RNF19A: variants seen among roughly 807,000 people sequenced by gnomAD.
RNF19A encodes the protein E3 ubiquitin-protein ligase RNF19A.
Under a neutral mutation model 75.7 loss-of-function variants are expected in RNF19A, and 32 were observed. The observed-to-expected ratio is 0.42, with a 90% confidence interval of 0.32 to 0.57. The LOEUF (loss-of-function observed/expected upper bound fraction) is 0.57. RNF19A is among the 20% of genes least tolerant of loss of function. The probability of loss-of-function intolerance (pLI) is 0.10; values close to 1 mark genes in which losing one functional copy is unlikely to be tolerated. For synonymous variants in RNF19A, 335 were observed against 345.2 expected (o/e 0.97, Z 0.33); for missense variants, 782 against 1,036.3 (o/e 0.75, Z 3.37).
chr8:100,301,499 C>T (rs1459247025), intron 1 of RNF19A, among the ~76,000 whole-genome samples: 1 of 152,120 alleles, frequency 6.6e-6, no homozygotes, highest in African/African-American at 2.4e-5. Context: ...CATAAAAACC[C>T]CACACTTTAG....
rs548728941 is a variant in RNF19A at position 100,287,886 on chromosome 8, T to C, written c.289A>G (p.Ile97Val). Reference protein sequence around the residue: ...GVDGIASIESIHSEMCTDKNS... With the variant: ...GVDGIASIESVHSEMCTDKNS... Reference sequence around the variant, plus strand: ...TTATCAGTACACATTTCAGAATGTATACTTTCAATACTTGCAATTCCATCC... The same window carrying C: ...TTATCAGTACACATTTCAGAATGTACACTTTCAATACTTGCAATTCCATCC... Residue 97 changes from isoleucine (I) to valine (V), a missense_variant, in exon 2 of 10, where the codon ATA (isoleucine) becomes GTA (valine). Ile to Val is a conservative substitution (Grantham distance 29). This residue lies in a region of RNF19A where 148 missense variants were observed against 147.9 expected (regional missense o/e 1.00). Transcript: ENST00000341084. This position sits in a 1 kb window ranked among gnomAD's most constrained non-coding sequence, Gnocchi z 4.1. The C allele has an allele frequency of 4.3e-6, 7 of 1,614,228 alleles. No individual in the cohort carries two copies. Among genetic ancestry groups the C allele is most frequent in the South Asian group, 2.2e-5 (2 of 91,082 alleles).
At chr8:100,311,786 G>A (rs1305780366), upstream of RNF19A, among the ~76,000 whole-genome samples, 1 of 151,880 alleles carries the variant, frequency 6.6e-6, no homozygotes, top group East Asian at 1.9e-4. Flanking sequence ...AGCACAGATG[G>A]GGCACTGGCT....
In RNF19A at chr8:100,320,546, A is replaced by G. The variant is rs912173878; in HGVS notation, c.-242-7174T>C. On this transcript the variant is annotated intron_variant, in intron 1 of 3. Coordinates refer to the RNF19A transcript ENST00000519527. The stretch of plus-strand genomic sequence containing the variant: ...GTAGGTGCTAATATTCACTGGGTGG[A>G]AAAATAACAGGTGCATTTGGATTCT... 3.9e-5 allele frequency among the ~76,000 whole-genome samples: 6 copies of G among 152,206 alleles called. No individual in the cohort carries two copies. The South Asian group carries it at 1.2e-3, about 31-fold the overall frequency.
intron 1 of RNF19A, among the ~76,000 whole-genome samples, chr8:100,298,645 G>A (rs1821682641): frequency 6.6e-6 from 1 of 152,104 alleles, no homozygotes. Context: ...TTCTTAAACA[G>A]CTTCACAAAC....
rs1778232561 is a variant in RNF19A at position 100,264,747 on chromosome 8, G to C, written c.1230C>G (p.His410Gln). Residue 410 changes from histidine to glutamine, a missense_variant, in exon 6 of 10, where the codon CAC becomes CAG. By Grantham distance (24) the His-to-Gln change is conservative (BLOSUM62 0). Coordinates refer to ENST00000341084, the MANE Select transcript of RNF19A (RefSeq NM_183419.4). This position sits in a 1 kb window ranked among gnomAD's most constrained non-coding sequence, Gnocchi z 4.7. ...NRYEGKDVSK[H>Q]KRNLAIAGGV... ...CACCTGCTATGGCCAAATTCCGTTT[G>C]TGCTTTGAAACATCCTTGCCTTCAT... 1.2e-6 allele frequency: 2 copies of C among 1,613,530 alleles called. No individual in the cohort carries two copies. Among genetic ancestry groups the C allele is most frequent in the Non-Finnish European group, 8.5e-7 (1 of 1,179,684 alleles).
At chr8:100,286,534 C>CA (rs1821028173) in intron 2 of RNF19A, among the ~76,000 whole-genome samples, 1 of 152,120 alleles carries the variant, frequency 6.6e-6, no homozygotes, top group African/African-American at 2.4e-5. Context: ...AGGCAGGAAA[C>CA]ACTACTTTTC....
intron 1 of RNF19A, among the ~76,000 whole-genome samples, chr8:100,315,448 CCAT>C (rs1054306461): frequency 1.3e-5 from 2 of 152,168 alleles, no homozygotes; most frequent in Non-Finnish European, 2.9e-5. Context: ...TTAGTCTCCA[CCAT>C]CATTTCACCT....
chr8:100,283,348 T>C (rs1820871325), intron 2 of RNF19A, among the ~76,000 whole-genome samples: 1 of 152,216 alleles, frequency 6.6e-6, no homozygotes, highest in South Asian at 2.1e-4. Context: ...GCTTCTATGC[T>C]TCTCCTCCTT....
Position 100,257,703 on chromosome 8 carries a change from A to C in RNF19A, c.*853T>G. 3.6e-6 allele frequency: 1 copy of C among 275,676 alleles called. No homozygotes were observed. The highest frequency in any genetic ancestry group is 2.2e-5 in the African/African-American group (1 of 45,978). 17.1% of individuals were successfully genotyped at this position (275,676 alleles called of 1,614,324 possible). ...GACCAGAGAAGACATGGAAAACAAC[A>C]CAGCAAAATCCTCAAATAACTAGGC... On this transcript the variant is annotated 3_prime_UTR_variant, in exon 10 of 10. Transcript: ENST00000341084.
At chr8:100,286,460 T>C (rs189276914) in intron 2 of RNF19A, among the ~76,000 whole-genome samples, 282 of 152,364 alleles carry the variant, frequency 1.9e-3, no homozygotes, top group Non-Finnish European at 3.0e-3. Flanking sequence ...ATGTTGTATA[T>C]TACATAGAAA....
In RNF19A at chr8:100,288,290, AT is replaced by A. The variant is rs1437352443; in HGVS notation, c.-93-24del. 19 of 1,276,136 alleles carry A rather than the reference AT, an allele frequency of 1.5e-5. 1 individual carries two copies. The highest frequency in any genetic ancestry group is 1.6e-5 in the Non-Finnish European group (16 of 986,072). 79.1% of individuals were successfully genotyped at this position (1,276,136 alleles called of 1,614,324 possible). ...GTTCTGAAAAATAAAAAATAAAAAA[AT>A]CAAGATCATTTAATTGTATTCTTAG... On this transcript the variant is annotated intron_variant, in intron 1 of 9. Transcript: ENST00000341084.
chr8:100,299,097 G>A (rs1821704554), intron 1 of RNF19A, among the ~76,000 whole-genome samples: 2 of 152,138 alleles, frequency 1.3e-5, no homozygotes, highest in Non-Finnish European at 2.9e-5. Flanking sequence ...GTGTCCCTTG[G>A]TTCTCAACAG....
rs1196321516 is a variant in RNF19A, at chr8:100,264,835, A to G, written c.1192-50T>C. 1 of 1,315,966 alleles carries G rather than the reference A, an allele frequency of 7.6e-7. No individual in the cohort carries two copies. The highest frequency in any genetic ancestry group is 1.5e-5 in the African/African-American group (1 of 68,730). The allele number at this position is 1,315,966 out of a possible 1,614,324, so 81.5% of individuals were successfully genotyped here. A position where few individuals can be genotyped will look rare whatever the true frequency, so the allele number is the denominator to read the frequency against. On this transcript the variant is annotated intron_variant, in intron 5 of 9. Coordinates refer to ENST00000341084, the MANE Select transcript of RNF19A (RefSeq NM_183419.4). The surrounding 1 kb of genome is among the most constrained non-coding windows in gnomAD (Gnocchi z 4.7). ...GGGGATTAAAGAGAAAATACATTAC[A>G]ATTTAACTTAGTTGAAAAAGATCTA...
rs1449986708 is a variant in RNF19A, at chr8:100,257,342, T to C, written c.*1214A>G. The C allele has an allele frequency of 1.3e-5, 2 of 150,174 alleles. No homozygotes were observed. 9.3% of individuals were successfully genotyped at this position (150,174 alleles called of 1,614,324 possible). A position where few individuals can be genotyped will look rare whatever the true frequency, so the allele number is the denominator to read the frequency against. The stretch of plus-strand genomic sequence containing the variant: ...AGATAGAACATTTTAACTGCTATCA[T>C]TGAGGTTAACCTGCTTTTATTTAAG... On this transcript the variant is annotated 3_prime_UTR_variant, in exon 10 of 10. Transcript: ENST00000341084.
At chr8:100,290,444 T>C (rs1821238450) in intron 1 of RNF19A, among the ~76,000 whole-genome samples, 1 of 152,200 alleles carries the variant, frequency 6.6e-6, no homozygotes, top group Non-Finnish European at 1.5e-5. Context: ...GTTACAAAGG[T>C]ATGTTCACTT....
intron 1 of RNF19A, among the ~76,000 whole-genome samples, chr8:100,308,895 T>C (rs1822170811): frequency 6.6e-6 from 1 of 152,232 alleles, no homozygotes. Flanking sequence ...ACAGTAAACA[T>C]TAAGCAGAGT....
chr8:100,296,289 G>A (rs1198756202), intron 1 of RNF19A, among the ~76,000 whole-genome samples: 1 of 152,054 alleles, frequency 6.6e-6, no homozygotes, highest in Non-Finnish European at 1.5e-5. Context: ...ATTTTTAGTA[G>A]AGACGGGGTT....
chr8:100,309,354 G>T, intron 1 of RNF19A: 2 of 985,794 alleles, frequency 2.0e-6, no homozygotes, highest in South Asian at 4.7e-5. Flanking sequence ...CTTGCGGGGC[G>T]ATGTCCCGGC....
chr8:100,323,774 G>A lies in RNF19A; in HGVS notation c.-242-10402C>T, dbSNP rs1822493234. On this transcript the variant is annotated intron_variant, in intron 1 of 3. Coordinates refer to the RNF19A transcript ENST00000519527. The surrounding 1 kb of genome is among the most constrained non-coding windows in gnomAD (Gnocchi z 4.6). ...AACATATCAGCTGATATTTAGGGCT[G>A]GAAGGGAAAATTTAGGGCCCTGTGT... 6.6e-6 allele frequency among the ~76,000 whole-genome samples: 1 copy of A among 152,208 alleles called. No homozygotes were observed.
Sources: allele counts gnomAD v4.1 joint callset (sites outside exome capture counted in the v4.1 genomes callset), GRCh38; gene constraint gnomAD v4.1.1; regional missense constraint gnomAD v4.1.1; non-coding constraint Gnocchi (gnomAD v3.1); transcripts MANE v1.5; gene names NCBI Gene and HGNC (gene_info 2026-07-23, HGNC 2026-07-21).